The following PRR16 variants were observed in gnomAD, a reference collection of about 807,000 sequenced individuals.
PRR16 encodes protein Largen.
Under a neutral mutation model 18.2 loss-of-function variants are expected in PRR16, and 6 were observed. The observed-to-expected ratio is 0.33, with a 90% CI of 0.18 to 0.65. The LOEUF (loss-of-function observed/expected upper bound fraction) is 0.65. PRR16 is among the 30% of genes least tolerant of loss of function. The pLI, the probability that PRR16 is intolerant of heterozygous loss-of-function variation, is 0.74. For missense variants in PRR16, 412 were observed against 376.6 expected, an observed-to-expected ratio of 1.09 and a Z score of -0.78; for synonymous variants, 151 against 147.8, an observed-to-expected ratio of 1.02 and a Z score of -0.16.
chr5:120,673,095 T>A (rs75808281), intron 1 of PRR16, among the ~76,000 whole-genome samples: 2,662 of 152,338 alleles, frequency 0.017, 49 homozygotes, highest in African/African-American at 0.042. Context: ...GGATAATGTT[T>A]GTTACAAAGG....
At chr5:120,538,100 T>C (rs1441084737) in intron 1 of PRR16, among the ~76,000 whole-genome samples, 1 of 152,208 alleles carries the variant, frequency 6.6e-6, no homozygotes, top group Non-Finnish European at 1.5e-5. Flanking sequence ...AAGCATAATA[T>C]TAGAAGATAC....
chr5:120,534,954 G>T (rs989577630), intron 1 of PRR16, among the ~76,000 whole-genome samples: 4 of 152,136 alleles, frequency 2.6e-5, no homozygotes, highest in Admixed American at 2.6e-4. Flanking sequence ...TCAGGACTTT[G>T]CAGGGCATAA....
intron 1 of PRR16, among the ~76,000 whole-genome samples, chr5:120,664,862 G>C (rs1361028325): frequency 6.6e-6 from 1 of 150,452 alleles, no homozygotes; most frequent in Non-Finnish European, 1.5e-5. Flanking sequence ...ATCATTGTTG[G>C]ACATTTGGGT....
the PRR16 span, among the ~76,000 whole-genome samples, chr5:120,768,762 A>G: frequency 6.6e-6 from 1 of 151,776 alleles, no homozygotes; most frequent in Non-Finnish European, 1.5e-5. Context: ...ATATCTGGCA[A>G]ATTTAATTTA....
the PRR16 span, among the ~76,000 whole-genome samples, chr5:120,773,646 T>G: frequency 2.6e-5 from 4 of 152,024 alleles, no homozygotes; most frequent in Admixed American, 2.6e-4. Context: ...TTGTTTTTTT[T>G]GAAGGAAAGA....
the PRR16 span, among the ~76,000 whole-genome samples, chr5:120,785,584 T>C: frequency 2.1e-5 from 3 of 139,578 alleles, no homozygotes; most frequent in Non-Finnish European, 4.7e-5. Flanking sequence ...TGTTTTTTTT[T>C]TTTTTTGAGA....
chr5:120,610,133 T>C (rs979864021), intron 1 of PRR16, among the ~76,000 whole-genome samples: 27 of 152,040 alleles, frequency 1.8e-4, no homozygotes, highest in Non-Finnish European at 3.8e-4. Context: ...GTATCCTCCA[T>C]TGCTCTTCAT....
chr5:120,502,512 G>A (rs1041973992), intron 1 of PRR16, among the ~76,000 whole-genome samples: 3 of 151,918 alleles, frequency 2.0e-5, no homozygotes, highest in Non-Finnish European at 2.9e-5. Flanking sequence ...GTTTGTGACA[G>A]GAATGTTTTA....
intron 1 of PRR16, among the ~76,000 whole-genome samples, chr5:120,640,060 T>C (rs1260289011): frequency 2.0e-5 from 3 of 152,164 alleles, no homozygotes; most frequent in African/African-American, 7.2e-5. Context: ...AAATACCACA[T>C]GATCTCATTT....
intron 1 of PRR16, among the ~76,000 whole-genome samples, chr5:120,477,526 G>T (rs1228615811): frequency 6.6e-6 from 1 of 152,048 alleles, no homozygotes; most frequent in Non-Finnish European, 1.5e-5. Context: ...TTACCATCCT[G>T]GTCCAAGCCA....
intron 1 of PRR16, among the ~76,000 whole-genome samples, chr5:120,611,923 G>C (rs1413595942): frequency 6.6e-6 from 1 of 152,166 alleles, no homozygotes; most frequent in African/African-American, 2.4e-5. Context: ...CATACCAGCT[G>C]GTGAGAGCAG....
the PRR16 span, among the ~76,000 whole-genome samples, chr5:120,700,524 G>A: frequency 1.1e-4 from 16 of 152,194 alleles, no homozygotes; most frequent in African/African-American, 3.9e-4. Flanking sequence ...TCCAGGAATA[G>A]TCAGGGAAGC....
chr5:120,749,336 C>A, the PRR16 span, among the ~76,000 whole-genome samples: 1 of 152,014 alleles, frequency 6.6e-6, no homozygotes, highest in Non-Finnish European at 1.5e-5. Flanking sequence ...TCAAGTAAGA[C>A]AAAATTGTTA....
intron 1 of PRR16, among the ~76,000 whole-genome samples, chr5:120,535,003 T>G (rs1751668295): frequency 6.6e-6 from 1 of 152,168 alleles, no homozygotes; most frequent in African/African-American, 2.4e-5. Context: ...GTAACATACA[T>G]GCATCTAAAT....
At chr5:120,775,146 T>C in the PRR16 span, among the ~76,000 whole-genome samples, 1 of 152,218 alleles carries the variant, frequency 6.6e-6, no homozygotes, top group Non-Finnish European at 1.5e-5. Context: ...CAACTTGTGA[T>C]TTAAGAAATT....
chr5:120,492,965 G>A (rs1750115607), intron 1 of PRR16, among the ~76,000 whole-genome samples: 1 of 152,150 alleles, frequency 6.6e-6, no homozygotes, highest in African/African-American at 2.4e-5. Flanking sequence ...GTTGGCCGAT[G>A]GACACTTAGT....
At chr5:120,754,454 A>AT in the PRR16 span, among the ~76,000 whole-genome samples, 3 of 97,236 alleles carry the variant, frequency 3.1e-5, no homozygotes, top group East Asian at 3.0e-4. Flanking sequence ...TATATTATAT[A>AT]ATATATAGTA....
At chr5:120,668,030 A>G (rs1015652119) in intron 1 of PRR16, among the ~76,000 whole-genome samples, 1 of 152,060 alleles carries the variant, frequency 6.6e-6, no homozygotes, top group Admixed American at 6.6e-5. Context: ...TGTCTCGTGG[A>G]TCTGTCTAAT....
At chr5:120,763,289 G>A in the PRR16 span, among the ~76,000 whole-genome samples, 1 of 151,962 alleles carries the variant, frequency 6.6e-6, no homozygotes. Flanking sequence ...GATTACAGGT[G>A]CATAATCCAC....
Sources: allele counts gnomAD v4.1 joint callset (sites outside exome capture counted in the v4.1 genomes callset), GRCh38; gene constraint gnomAD v4.1.1; transcripts MANE v1.5; gene names NCBI Gene and HGNC (gene_info 2026-07-23, HGNC 2026-07-21).